BTRC: variants seen among roughly 807,000 people sequenced by gnomAD.
BTRC encodes beta-transducin repeat containing E3 ubiquitin protein ligase.
BTRC carries 42 observed loss-of-function variants against 85.5 expected under a neutral mutation model. The ratio of observed to expected loss-of-function variants is 0.49; its 90% CI spans 0.38 to 0.64. The LOEUF is 0.64. BTRC is among the 30% of genes least tolerant of loss of function. BTRC has a pLI of 0.00. For missense variants in BTRC, 594 were observed against 743.5 expected (o/e 0.80, Z 2.34); for synonymous variants, 255 against 263.3 (o/e 0.97, Z 0.30).
At chr10:101,475,398 G>T (rs77924889) in intron 3 of BTRC, among the ~76,000 whole-genome samples, 1 of 152,108 alleles carries the variant, frequency 6.6e-6, no homozygotes, top group Non-Finnish European at 1.5e-5. Context: ...AAATTAGCCG[G>T]CCGTGGTGGC....
intron 9 of BTRC, 54 bp from the exon 10 acceptor site, chr10:101,534,607 A>G: frequency 6.2e-7 from 1 of 1,605,946 alleles, no homozygotes; most frequent in South Asian, 1.1e-5. Context: ...ATGGTCAAAT[A>G]TAGGTAACAG....
intron 13 of BTRC, 22 bp from the exon 14 acceptor site, chr10:101,550,677 C>G: frequency 1.2e-6 from 2 of 1,605,020 alleles, no homozygotes; most frequent in Non-Finnish European, 1.7e-6. Context: ...AGTTCCTACC[C>G]TTTTTGTTTC....
chr10:101,361,157 A>G (rs1181463125), intron 1 of BTRC, among the ~76,000 whole-genome samples: 1 of 151,900 alleles, frequency 6.6e-6, no homozygotes, highest in East Asian at 1.9e-4. Flanking sequence ...CCCAAGCTGG[A>G]GTGCAGTGGT....
chr10:101,399,097 C>T (rs1943434295), intron 1 of BTRC, among the ~76,000 whole-genome samples: 1 of 152,124 alleles, frequency 6.6e-6, no homozygotes, highest in South Asian at 2.1e-4. Context: ...GGACTACAGG[C>T]ATGCGCCACC....
chr10:101,431,070 CT>C (rs748703752), intron 2 of BTRC, among the ~76,000 whole-genome samples: 756 of 71,300 alleles, frequency 0.011, 3 homozygotes, highest in African/African-American at 0.035. Flanking sequence ...CTCAGCCTTT[CT>C]TTTTTTTTTT....
intron 3 of BTRC, among the ~76,000 whole-genome samples, chr10:101,478,449 T>A (rs1467898175): frequency 6.9e-6 from 1 of 144,130 alleles, no homozygotes; most frequent in Admixed American, 7.4e-5. Context: ...TTTAAAATAA[T>A]TTTTTTTTTC....
At chr10:101,356,166 C>G (rs1942027883) in intron 1 of BTRC, among the ~76,000 whole-genome samples, 2 of 152,182 alleles carry the variant, frequency 1.3e-5, no homozygotes, top group African/African-American at 4.8e-5. Flanking sequence ...CCACGCCCAT[C>G]TAATTTTTTA....
Position 101,534,911 on chromosome 10 carries a change from GTAA to G in BTRC, c.1347+5_1347+7del. The G allele has an allele frequency of 1.2e-6, 2 of 1,608,364 alleles. No individual in the cohort carries two copies. Among genetic ancestry groups the G allele is most frequent in the Non-Finnish European group, 1.7e-6 (2 of 1,175,064 alleles). On this transcript the variant is annotated splice_donor_variant and splice_donor_region_variant and intron_variant, in intron 10 of 14. Transcript: ENST00000370187. LOFTEE classifies it high-confidence loss of function. ...TGCATCTGGGGATAGAACTATAAAG[GTAA>G]TAAGGCATTTTTCAGTAAGTTTCCA...
intron 6 of BTRC, among the ~76,000 whole-genome samples, chr10:101,529,389 C>G (rs984176844): frequency 1.3e-5 from 2 of 152,114 alleles, no homozygotes; most frequent in Admixed American, 1.3e-4. Flanking sequence ...GGAAGAAAGT[C>G]TTGGAGTGCT....
At chr10:101,464,533 T>TC (rs1282691980) in intron 3 of BTRC, among the ~76,000 whole-genome samples, 34 of 96,592 alleles carry the variant, frequency 3.5e-4, no homozygotes, top group South Asian at 8.5e-4. Context: ...TTAACAACCT[T>TC]CCCCCCCACC....
chr10:101,500,734 G>A (rs1274201623), intron 4 of BTRC, among the ~76,000 whole-genome samples: 2 of 152,116 alleles, frequency 1.3e-5, no homozygotes, highest in Non-Finnish European at 1.5e-5. Context: ...TAATTTTAAA[G>A]TCAGCATGTA....
rs539292455 is a variant in BTRC, at chr10:101,386,351, A to G, written c.48+32123A>G. 3.9e-5 allele frequency among the ~76,000 whole-genome samples: 6 copies of G among 152,328 alleles called. No homozygotes were observed. The South Asian group carries it at 1.0e-3, about 26-fold the overall frequency. ...TCAAGGTCAGCCTTAAACATTGTCA[A>G]CATGTTCACTTATTTATGCTCTGCA... is the stretch of plus-strand genomic sequence containing the variant. On this transcript the variant is annotated intron_variant, in intron 1 of 14. Coordinates refer to ENST00000370187, the MANE Select transcript of BTRC (RefSeq NM_033637.4).
chr10:101,363,918 C>A (rs533970134), intron 1 of BTRC, among the ~76,000 whole-genome samples: 1 of 152,056 alleles, frequency 6.6e-6, no homozygotes, highest in Non-Finnish European at 1.5e-5. Flanking sequence ...TAGCTATTGG[C>A]GTTTAGAATC....
chr10:101,354,197 C>CG lies in BTRC; in HGVS notation c.19dup (p.Val7GlyfsTer36). On this transcript the variant is annotated frameshift_variant, in exon 1 of 15. Transcript: ENST00000370187. LOFTEE classifies it high-confidence loss of function. The stretch of plus-strand genomic sequence containing the variant: ...TCGGCGATTATGGACCCGGCCGAGG[C>CG]GGTGCTGCAAGAGAAGGCACTCAAG... 1 of 1,549,128 alleles carries CG rather than the reference C, an allele frequency of 6.5e-7. No homozygotes were observed. The highest frequency in any genetic ancestry group is 1.4e-5 in the African/African-American group (1 of 73,040).
chr10:101,488,629 G>A (rs1946050974), intron 4 of BTRC, among the ~76,000 whole-genome samples: 1 of 152,124 alleles, frequency 6.6e-6, no homozygotes. Context: ...AAGCCATCAT[G>A]ATTTGCAGCG....
chr10:101,403,887 A>C (rs1443599211), intron 1 of BTRC, among the ~76,000 whole-genome samples: 2 of 149,272 alleles, frequency 1.3e-5, no homozygotes, highest in East Asian at 4.0e-4. Context: ...GAGCTACTGC[A>C]CCTGGCCCAT....
intron 1 of BTRC, among the ~76,000 whole-genome samples, chr10:101,359,829 A>C (rs1400100832): frequency 6.6e-6 from 1 of 151,708 alleles, no homozygotes; most frequent in East Asian, 1.9e-4. Flanking sequence ...CGAACTCCCA[A>C]CCTCAGGTGA....
intron 1 of BTRC, among the ~76,000 whole-genome samples, chr10:101,427,197 A>C (rs1362468824): frequency 1.4e-5 from 2 of 139,346 alleles, no homozygotes; most frequent in African/African-American, 5.5e-5. Context: ...AGCTCACTGC[A>C]ACCTCCGCCT....
At chr10:101,364,141 A>G (rs560082213) in intron 1 of BTRC, among the ~76,000 whole-genome samples, 29 of 152,116 alleles carry the variant, frequency 1.9e-4, no homozygotes, top group African/African-American at 6.7e-4. Flanking sequence ...GCTTATTATG[A>G]CAACTATTGT....
Sources: allele counts gnomAD v4.1 joint callset (sites outside exome capture counted in the v4.1 genomes callset), GRCh38; gene constraint gnomAD v4.1.1; transcripts MANE v1.5; gene names NCBI Gene and HGNC (gene_info 2026-07-23, HGNC 2026-07-21).